SPIDR: variants seen among roughly 807,000 people sequenced by gnomAD.
SPIDR encodes DNA repair-scaffolding protein.
Under a neutral mutation model 104.6 loss-of-function variants are expected in SPIDR, and 93 were observed. The observed-to-expected ratio is 0.89, with a 90% CI of 0.75 to 1.06. The LOEUF (loss-of-function observed/expected upper bound fraction) is 1.06, where lower values mean the gene tolerates loss of function less well. SPIDR is among the 50% of genes least tolerant of loss of function. The probability of loss-of-function intolerance (pLI) is 0.00; values close to 1 mark genes in which losing one functional copy is unlikely to be tolerated. For synonymous variants in SPIDR, 431 were observed against 416.9 expected (o/e 1.03, Z -0.41); for missense variants, 1,154 against 1,111.2 (o/e 1.04, Z -0.55).
intron 8 of SPIDR, among the ~76,000 whole-genome samples, chr8:47,489,186 C>T (rs57659543): frequency 0.018 from 2,739 of 152,294 alleles, 81 homozygotes; most frequent in African/African-American, 0.063. Context: ...GCAAAAATCA[C>T]AAGCATTCTT....
intron 10 of SPIDR, among the ~76,000 whole-genome samples, chr8:47,621,988 A>G (rs2065234112): frequency 6.6e-6 from 1 of 152,188 alleles, no homozygotes; most frequent in Non-Finnish European, 1.5e-5. Flanking sequence ...AAGACTGGAA[A>G]GGTAGATTGA....
intron 10 of SPIDR, among the ~76,000 whole-genome samples, chr8:47,612,391 G>C (rs1563313481): frequency 6.6e-6 from 1 of 152,160 alleles, no homozygotes; most frequent in African/African-American, 2.4e-5. Flanking sequence ...AGGAAATCTT[G>C]TCTTTAAAAT....
At chr8:47,603,692 C>A (rs2062591161) in intron 10 of SPIDR, among the ~76,000 whole-genome samples, 1 of 152,108 alleles carries the variant, frequency 6.6e-6, no homozygotes, top group African/African-American at 2.4e-5. Context: ...GCCACCATAC[C>A]CGGCCAACTA....
At chr8:47,377,471 G>A (rs1479556807) in intron 5 of SPIDR, among the ~76,000 whole-genome samples, 4 of 152,198 alleles carry the variant, frequency 2.6e-5, no homozygotes, top group Non-Finnish European at 5.9e-5. Context: ...GCCTCCAAGT[G>A]TCCAGTTCCA....
chr8:47,467,028 T>G (rs1050015034), intron 8 of SPIDR, among the ~76,000 whole-genome samples: 3 of 150,614 alleles, frequency 2.0e-5, no homozygotes, highest in African/African-American at 7.3e-5. Flanking sequence ...ATCACAAAGG[T>G]GATATCACCA....
intron 5 of SPIDR, among the ~76,000 whole-genome samples, chr8:47,306,387 C>T (rs1167661734): frequency 6.6e-6 from 1 of 152,184 alleles, no homozygotes; most frequent in Non-Finnish European, 1.5e-5. Context: ...GTGATCCGCC[C>T]ACCTCAGCCT....
At chr8:47,687,250 A>G (rs1448261034) in intron 11 of SPIDR, among the ~76,000 whole-genome samples, 1 of 152,052 alleles carries the variant, frequency 6.6e-6, no homozygotes, top group Non-Finnish European at 1.5e-5. Flanking sequence ...GTTGCTGTTA[A>G]CAGAATTAAC....
chr8:47,434,154 G>A (rs1353060656), intron 7 of SPIDR, among the ~76,000 whole-genome samples: 4 of 152,198 alleles, frequency 2.6e-5, no homozygotes, highest in African/African-American at 9.7e-5. Flanking sequence ...GCAGCAAGAT[G>A]AATTATTATC....
intron 5 of SPIDR, among the ~76,000 whole-genome samples, chr8:47,313,418 C>G (rs1319408999): frequency 6.6e-6 from 1 of 152,150 alleles, no homozygotes; most frequent in African/African-American, 2.4e-5. Flanking sequence ...AAAGAGGATA[C>G]AAACAAATGG....
chr8:47,424,538 G>A (rs1185949304), intron 7 of SPIDR, among the ~76,000 whole-genome samples: 2 of 151,812 alleles, frequency 1.3e-5, no homozygotes, highest in African/African-American at 2.4e-5. Flanking sequence ...GGCTGGTCTC[G>A]AACTCTTGGC....
chr8:47,418,674 G>A (rs947858514), intron 7 of SPIDR, among the ~76,000 whole-genome samples: 1 of 152,164 alleles, frequency 6.6e-6, no homozygotes, highest in Non-Finnish European at 1.5e-5. Context: ...GGAGTGGTGA[G>A]AGAGGGCATC....
At chr8:47,591,366 A>T (rs1170549544) in intron 8 of SPIDR, among the ~76,000 whole-genome samples, 1 of 151,574 alleles carries the variant, frequency 6.6e-6, no homozygotes, top group Admixed American at 6.6e-5. Context: ...CTGGGTCAAA[A>T]TTTTACCAGT....
chr8:47,596,447 T>C (rs930639426), intron 9 of SPIDR, among the ~76,000 whole-genome samples: 1 of 152,172 alleles, frequency 6.6e-6, no homozygotes, highest in African/African-American at 2.4e-5. Flanking sequence ...TACTTGTGTA[T>C]GTAAACGTAT....
chr8:47,381,464 C>T (rs1411496563), intron 5 of SPIDR, among the ~76,000 whole-genome samples: 2 of 152,222 alleles, frequency 1.3e-5, no homozygotes, highest in East Asian at 1.9e-4. Flanking sequence ...TTAAAAGCTT[C>T]TAGGCAGCCA....
intron 3 of SPIDR, among the ~76,000 whole-genome samples, chr8:47,286,333 A>G (rs999689850): frequency 1.8e-4 from 28 of 152,342 alleles, no homozygotes; most frequent in African/African-American, 6.5e-4. Context: ...GTCCTTTCCA[A>G]TGAATGACTC....
intron 10 of SPIDR, chr8:47,654,140 C>G: frequency 7.8e-7 from 1 of 1,289,836 alleles, no homozygotes; most frequent in South Asian, 1.2e-5. Flanking sequence ...TCCCAAAGTT[C>G]TCTGGCCAGG....
At chr8:47,546,001 A>T (rs1165311819) in intron 8 of SPIDR, among the ~76,000 whole-genome samples, 3 of 152,072 alleles carry the variant, frequency 2.0e-5, no homozygotes, top group Non-Finnish European at 2.9e-5. Context: ...ATGTATATAT[A>T]TTTTTTACAT....
rs1169025640 is a variant in SPIDR at position 47,564,066 on chromosome 8, T to G, written c.1098-31745T>G. On this transcript the variant is annotated intron_variant, in intron 8 of 19. Transcript: ENST00000297423. ...CATATTTAAATATTTGCTTCTTTTT[T>G]CTTTTCTTTTTTTTTTTTTTTTTTT... 9.4e-5 allele frequency among the ~76,000 whole-genome samples: 14 copies of G among 149,456 alleles called. No homozygotes were observed. The Admixed American group carries it at 9.4e-4, about 10-fold the overall frequency.
At chr8:47,607,212 T>A (rs2063070187) in intron 10 of SPIDR, among the ~76,000 whole-genome samples, 1 of 152,030 alleles carries the variant, frequency 6.6e-6, no homozygotes, top group Non-Finnish European at 1.5e-5. Context: ...CAGAGTATCA[T>A]TTTTTTTGCA....
Sources: gnomAD v4.1 joint callset for allele counts (sites outside exome capture counted in the v4.1 genomes callset) on GRCh38, gnomAD v4.1.1 for gene constraint, MANE v1.5 for transcripts, NCBI Gene and HGNC (gene_info 2026-07-23, HGNC 2026-07-21) for gene names.